The following PRKCB variants were observed in gnomAD, a reference collection of about 807,000 sequenced individuals.
PRKCB encodes protein kinase C beta type.
PRKCB carries 13 observed loss-of-function variants against 81.5 expected under a neutral mutation model. The ratio of observed to expected loss-of-function variants is 0.16; its 90% CI spans 0.10 to 0.25. The LOEUF (loss-of-function observed/expected upper bound fraction) is 0.25, where lower values mean the gene tolerates loss of function less well. Among genes scored for constraint, PRKCB ranks in the 10% least tolerant of loss-of-function variants. The pLI is 1.00. For synonymous variants in PRKCB, 335 were observed against 321.4 expected, an observed-to-expected ratio of 1.04 and a Z score of -0.45; for missense variants, 509 against 875.7, an observed-to-expected ratio of 0.58 and a Z score of 5.29.
chr16:23,875,590 C>CAT (rs1962989780), intron 2 of PRKCB, among the ~76,000 whole-genome samples: 7 of 89,740 alleles, frequency 7.8e-5, no homozygotes, highest in South Asian at 6.5e-4. Context: ...ATATGTATAT[C>CAT]ACACACATAT....
At chr16:24,195,397 G>C (rs1361768285) in intron 16 of PRKCB, among the ~76,000 whole-genome samples, 1 of 152,108 alleles carries the variant, frequency 6.6e-6, no homozygotes, top group African/African-American at 2.4e-5. Flanking sequence ...CATGTGCCTT[G>C]TGGGATGTGA....
chr16:24,191,423 C>A, intron 16 of PRKCB, 193 bp downstream of exon 16: 150 of 470,680 alleles, frequency 3.2e-4, no homozygotes, highest in Middle Eastern at 5.1e-4. Context: ...AGCTTAGTCT[C>A]TATAAAGATG....
At chr16:24,013,983 T>A (rs1407021961) in intron 3 of PRKCB, among the ~76,000 whole-genome samples, 1 of 152,158 alleles carries the variant, frequency 6.6e-6, no homozygotes, top group Admixed American at 6.5e-5. Flanking sequence ...AGCAGCATCC[T>A]TTGCAGGAAT....
intron 5 of PRKCB, among the ~76,000 whole-genome samples, chr16:24,065,772 T>C (rs182551822): frequency 4.4e-4 from 67 of 152,246 alleles, no homozygotes; most frequent in African/African-American, 1.6e-3. Flanking sequence ...TATTCAGGAG[T>C]CTGAGACAGG....
At chr16:24,045,778 G>T (rs552077993) in intron 5 of PRKCB, among the ~76,000 whole-genome samples, 30 of 152,338 alleles carry the variant, frequency 2.0e-4, no homozygotes, top group African/African-American at 6.7e-4. Flanking sequence ...ATCCCCTGGG[G>T]ATGCACTGTA....
chr16:23,947,777 C>T (rs890863842), intron 2 of PRKCB, among the ~76,000 whole-genome samples: 16 of 151,816 alleles, frequency 1.1e-4, no homozygotes, highest in African/African-American at 3.1e-4. Context: ...GGGGCCTAAA[C>T]GACATCTCCA....
At chr16:24,144,339 G>T (rs1289595886) in intron 9 of PRKCB, among the ~76,000 whole-genome samples, 1 of 152,018 alleles carries the variant, frequency 6.6e-6, no homozygotes, top group Non-Finnish European at 1.5e-5. Flanking sequence ...TGTCACCCAG[G>T]CTGGAGTGCA....
At chr16:24,119,211 A>G (rs561783214) in intron 8 of PRKCB, among the ~76,000 whole-genome samples, 1 of 152,134 alleles carries the variant, frequency 6.6e-6, no homozygotes, top group African/African-American at 2.4e-5. Context: ...AAGTTATAAA[A>G]GCAAGCTGGG....
intron 8 of PRKCB, among the ~76,000 whole-genome samples, chr16:24,118,559 C>T (rs1966762021): frequency 6.6e-6 from 1 of 152,130 alleles, no homozygotes; most frequent in Non-Finnish European, 1.5e-5. Flanking sequence ...CAGTTTTAGC[C>T]AGGACAGGCA....
At chr16:24,109,843 A>G (rs374196400) in intron 7 of PRKCB, among the ~76,000 whole-genome samples, 14 of 131,430 alleles carry the variant, frequency 1.1e-4, no homozygotes, top group Admixed American at 1.0e-3. Context: ...ACGAGACTCC[A>G]TCTGCAATCC....
intron 9 of PRKCB, among the ~76,000 whole-genome samples, chr16:24,142,175 T>C (rs1183168628): frequency 6.6e-6 from 1 of 152,132 alleles, no homozygotes; most frequent in Non-Finnish European, 1.5e-5. Flanking sequence ...GCAAACCATA[T>C]GATAGAGTCA....
At chr16:24,002,617 G>A (rs997596495) in intron 3 of PRKCB, among the ~76,000 whole-genome samples, 12 of 152,180 alleles carry the variant, frequency 7.9e-5, no homozygotes, top group African/African-American at 2.9e-4. Flanking sequence ...AGGATTACAG[G>A]TGTGAGCCAC....
intron 16 of PRKCB, chr16:24,191,439 G>A (rs1394658956): frequency 1.0e-5 from 5 of 483,940 alleles, no homozygotes; most frequent in South Asian, 4.2e-5. Flanking sequence ...AGATGGAAAC[G>A]ACGATGCCTA....
chr16:23,933,370 G>C (rs1227671186), intron 2 of PRKCB, among the ~76,000 whole-genome samples: 1 of 152,036 alleles, frequency 6.6e-6, no homozygotes, highest in East Asian at 1.9e-4. Context: ...TTATTATTTT[G>C]GGGATGATAT....
chr16:24,203,637 T>C (rs1318919269), intron 16 of PRKCB, among the ~76,000 whole-genome samples: 1 of 152,158 alleles, frequency 6.6e-6, no homozygotes, highest in Admixed American at 6.5e-5. Context: ...CCAGTGACAG[T>C]TGAATTTGGA....
chr16:23,863,609 T>G (rs1962721439), intron 2 of PRKCB, among the ~76,000 whole-genome samples: 1 of 152,168 alleles, frequency 6.6e-6, no homozygotes, highest in Non-Finnish European at 1.5e-5. Context: ...GAATTGCATT[T>G]TGAATGCAGT....
chr16:24,217,657 C>T lies in PRKCB; in HGVS notation c.*2841C>T. On this transcript the variant is annotated 3_prime_UTR_variant, in exon 17 of 17. Transcript: ENST00000643927. ...TATCTGAAGCATTAGCCATCACCAG[C>T]ACAACAAACGGGGCAGGGCTTTCCA... is the stretch of plus-strand genomic sequence containing the variant. The T allele has an allele frequency of 1.0e-6, 1 of 985,494 alleles. No homozygotes were observed. The highest frequency in any genetic ancestry group is 4.7e-5 in the South Asian group (1 of 21,280). The allele number at this position is 985,494 out of a possible 1,614,324, so 61.0% of individuals were successfully genotyped here.
intron 7 of PRKCB, among the ~76,000 whole-genome samples, chr16:24,096,747 G>A (rs1169414893): frequency 7.0e-6 from 1 of 141,884 alleles, no homozygotes; most frequent in Non-Finnish European, 1.5e-5. Flanking sequence ...AAGCCCCCTT[G>A]GCAACTGTTT....
intron 2 of PRKCB, among the ~76,000 whole-genome samples, chr16:23,921,012 A>T (rs1963817023): frequency 6.6e-6 from 1 of 152,156 alleles, no homozygotes; most frequent in South Asian, 2.1e-4. Flanking sequence ...AGGAGACAGC[A>T]TGTGCAGGGG....
Sources: allele counts gnomAD v4.1 joint callset (sites outside exome capture counted in the v4.1 genomes callset), GRCh38; gene constraint gnomAD v4.1.1; transcripts MANE v1.5; gene names NCBI Gene and HGNC (gene_info 2026-07-23, HGNC 2026-07-21).